The following MAP2K1 variants were observed in gnomAD, a reference collection of about 807,000 sequenced individuals.
MAP2K1 encodes mitogen-activated protein kinase kinase 1.
Under a neutral mutation model 46.3 loss-of-function variants are expected in MAP2K1, and 16 were observed. That is an observed-to-expected ratio of 0.35 (90% CI 0.23 to 0.52). The LOEUF (loss-of-function observed/expected upper bound fraction) is 0.52, where lower values mean the gene tolerates loss of function less well. Ranked by LOEUF, MAP2K1 falls within the 20% of genes least tolerant of loss-of-function variation. MAP2K1 has a pLI of 0.94. For missense variants in MAP2K1, 263 were observed against 497.1 expected (o/e 0.53, Z 4.48); for synonymous variants, 183 against 185.6 (o/e 0.99, Z 0.11).
chr15:66,420,137 G>A (rs1321466074), intron 1 of MAP2K1, among the ~76,000 whole-genome samples: 3 of 152,078 alleles, frequency 2.0e-5, no homozygotes, highest in African/African-American at 4.8e-5. Context: ...CCAGCTACTC[G>A]GGAGGCTGAG....
At chr15:66,478,489 G>A (rs1448836700) in intron 5 of MAP2K1, among the ~76,000 whole-genome samples, 1 of 99,582 alleles carries the variant, frequency 1.0e-5, no homozygotes, top group Non-Finnish European at 2.0e-5. Flanking sequence ...TGTATATATA[G>A]AGGTATATAT....
At chr15:66,444,553 GTGA>G in intron 4 of MAP2K1, 100 bp from the exon 5 acceptor site, 2 of 913,120 alleles carry the variant, frequency 2.2e-6, no homozygotes, top group South Asian at 2.7e-5. Flanking sequence ...AGGCAAATTT[GTGA>G]TGATGATAAA....
chr15:66,408,640 C>T (rs967495645), intron 1 of MAP2K1, among the ~76,000 whole-genome samples: 1 of 152,106 alleles, frequency 6.6e-6, no homozygotes, highest in East Asian at 1.9e-4. Context: ...GAAGGTAACA[C>T]TCCCTGTGGC....
At chr15:66,481,958 CCAGAGT>C in intron 6 of MAP2K1, 79 bp downstream of exon 6, 1 of 1,539,604 alleles carries the variant, frequency 6.5e-7, no homozygotes, top group East Asian at 2.4e-5. Context: ...TCCTGTGGAG[CCAGAGT>C]CTTGTGCTGG....
chr15:66,408,482 A>G (rs1012248343), intron 1 of MAP2K1, among the ~76,000 whole-genome samples: 13 of 152,064 alleles, frequency 8.5e-5, no homozygotes, highest in Non-Finnish European at 1.9e-4. Flanking sequence ...CACCCAGATA[A>G]GCCCAGCTTT....
intron 5 of MAP2K1, among the ~76,000 whole-genome samples, chr15:66,460,532 T>C (rs1000395083): frequency 4.6e-5 from 7 of 152,166 alleles, no homozygotes; most frequent in African/African-American, 1.7e-4. Flanking sequence ...AAAGGGTTCC[T>C]GATGGCAAGG....
chr15:66,482,614 C>T (rs971158529), intron 6 of MAP2K1, among the ~76,000 whole-genome samples: 1 of 152,192 alleles, frequency 6.6e-6, no homozygotes, highest in African/African-American at 2.4e-5. Context: ...GTTTTCTTCC[C>T]TCCTCCATAC....
At chr15:66,393,937 C>T (rs925579207) in intron 1 of MAP2K1, among the ~76,000 whole-genome samples, 3 of 152,158 alleles carry the variant, frequency 2.0e-5, no homozygotes, top group African/African-American at 7.2e-5. Context: ...TTTGATTTTG[C>T]CTTATTTTTC....
intron 5 of MAP2K1, among the ~76,000 whole-genome samples, chr15:66,456,655 A>G: frequency 6.6e-6 from 1 of 152,150 alleles, no homozygotes; most frequent in East Asian, 1.9e-4. Flanking sequence ...TGTTTGAACC[A>G]CTGATTGGCA....
chr15:66,414,947 A>G (rs1008398147), intron 1 of MAP2K1: 8 of 418,152 alleles, frequency 1.9e-5, no homozygotes, highest in Admixed American at 1.6e-4. Flanking sequence ...TGGTACTTGC[A>G]TAGCCACTTG....
At chr15:66,389,023 C>G (rs1257959912) in intron 1 of MAP2K1, among the ~76,000 whole-genome samples, 2 of 150,916 alleles carry the variant, frequency 1.3e-5, no homozygotes, top group African/African-American at 4.9e-5. Flanking sequence ...TCTCCTGCCT[C>G]AGCCTCCCGA....
intron 3 of MAP2K1, among the ~76,000 whole-genome samples, 187 bp from the exon 4 acceptor site, chr15:66,443,082 ATTTTTTTTTTT>A (rs398027713): frequency 1.3e-4 from 12 of 91,064 alleles, no homozygotes; most frequent in Non-Finnish European, 2.0e-4. Flanking sequence ...TTGTGTGTGT[ATTTTTTTTTTT>A]TTTTTTTTTT....
intron 1 of MAP2K1, among the ~76,000 whole-genome samples, chr15:66,403,498 G>A (rs947182940): frequency 2.0e-5 from 3 of 152,064 alleles, no homozygotes; most frequent in East Asian, 1.9e-4. Context: ...AACCGCAGAC[G>A]AAAGTCCCCT....
chr15:66,399,612 A>T (rs62013664), intron 1 of MAP2K1, among the ~76,000 whole-genome samples: 1 of 151,516 alleles, frequency 6.6e-6, no homozygotes, highest in Non-Finnish European at 1.5e-5. Context: ...GTGCCAATAC[A>T]CCCAGCTATT....
intron 1 of MAP2K1, among the ~76,000 whole-genome samples, chr15:66,397,555 C>T (rs181640056): frequency 6.6e-6 from 1 of 152,336 alleles, no homozygotes; most frequent in Admixed American, 6.5e-5. Flanking sequence ...TTTCTTCCTT[C>T]TTAGAAGGCT....
At chr15:66,482,293 C>T (rs927213533) in intron 6 of MAP2K1, among the ~76,000 whole-genome samples, 1 of 152,184 alleles carries the variant, frequency 6.6e-6, no homozygotes, top group Non-Finnish European at 1.5e-5. Context: ...CCCTGGTTTC[C>T]CAAGGTAGAA....
Position 66,491,376 on chromosome 15 carries a change from T to C in MAP2K1, c.*761T>C. ...ACAAATTGATCAAGATATTAAAATG[T>C]CGGATTTATCTTTCCCCATATCCAA... On this transcript the variant is annotated 3_prime_UTR_variant, in exon 11 of 11. Transcript: ENST00000307102. 4.3e-6 allele frequency: 1 copy of C among 232,698 alleles called. No homozygotes were observed. Among genetic ancestry groups the C allele is most frequent in the Non-Finnish European group, 8.5e-6 (1 of 117,642 alleles). The allele number at this position is 232,698 out of a possible 1,614,324, so 14.4% of individuals were successfully genotyped here. A position where few individuals can be genotyped will look rare whatever the true frequency, so the allele number is the denominator to read the frequency against.
chr15:66,467,197 G>T lies in MAP2K1; in HGVS notation c.569-14558G>T, dbSNP rs898308369. Among the ~76,000 whole-genome samples, 12 of 152,160 alleles carry T rather than the reference G, an allele frequency of 7.9e-5. 1 individual carries two copies. In the East Asian group the frequency reaches 2.3e-3, roughly 29 times the overall value. On this transcript the variant is annotated intron_variant, in intron 5 of 10. Transcript: ENST00000307102. ...TGCAGTGAGCCAAGATTGTGTCATT[G>T]CATTCCAGCCTGGTCAACAAGAGCG... is the stretch of plus-strand genomic sequence containing the variant.
At chr15:66,394,775 G>C (rs1162779378) in intron 1 of MAP2K1, among the ~76,000 whole-genome samples, 1 of 152,074 alleles carries the variant, frequency 6.6e-6, no homozygotes, top group Non-Finnish European at 1.5e-5. Context: ...CTTTTGAAGT[G>C]GTTTCACACT....
Sources: allele counts gnomAD v4.1 joint callset (sites outside exome capture counted in the v4.1 genomes callset), GRCh38; gene constraint gnomAD v4.1.1; transcripts MANE v1.5; gene names NCBI Gene and HGNC (gene_info 2026-07-23, HGNC 2026-07-21).